Variants in STK24 observed in about 807,000 individuals in gnomAD.
The protein encoded by STK24 is serine/threonine kinase 24, also known as serine/threonine-protein kinase 24.
A neutral mutation model predicts 55.6 loss-of-function variants in STK24; 21 were observed. That is an observed-to-expected ratio of 0.38 (90% CI 0.27 to 0.54). The LOEUF is 0.54. Among genes scored for constraint, STK24 ranks in the 20% least tolerant of loss-of-function variants. The pLI, the probability that STK24 is intolerant of heterozygous loss-of-function variation, is 0.79. For synonymous variants in STK24, 200 were observed against 215.2 expected (o/e 0.93, Z 0.62); for missense variants, 383 against 538.4 (o/e 0.71, Z 2.86).
chr13:98,458,431 G>A (rs756531072), intron 9 of STK24, among the ~76,000 whole-genome samples: 1 of 152,200 alleles, frequency 6.6e-6, no homozygotes, highest in Non-Finnish European at 1.5e-5. Flanking sequence ...TGCCCTAAGA[G>A]CAACGGCTTC....
Position 98,525,048 on chromosome 13 carries a change from C to A in STK24, c.43-5575G>T, listed in dbSNP as rs555353568. On this transcript the variant is annotated intron_variant, in intron 1 of 10. Coordinates refer to ENST00000539966, the MANE Select transcript of STK24 (RefSeq NM_001032296.4). The stretch of plus-strand genomic sequence containing the variant: ...GCACTCAATAAAGCAGGGTTCCCTG[C>A]GCGGGCAGCCCTGCCCTTTGGCAAT... Among the ~76,000 whole-genome samples the A allele has an allele frequency of 3.3e-5, 5 of 152,372 alleles. No individual in the cohort carries two copies. In the East Asian group the frequency reaches 5.8e-4, roughly 18 times the overall value.
chr13:98,494,075 C>T (rs1202796506), intron 2 of STK24, among the ~76,000 whole-genome samples: 1 of 148,476 alleles, frequency 6.7e-6, no homozygotes, highest in Admixed American at 6.7e-5. Flanking sequence ...ATCTCCTGAC[C>T]TCGTGATCCG....
At chr13:98,542,665 A>C (rs1896921307) in intron 1 of STK24, among the ~76,000 whole-genome samples, 2 of 152,056 alleles carry the variant, frequency 1.3e-5, no homozygotes, top group Middle Eastern at 3.2e-3. Flanking sequence ...AGCCTAATAA[A>C]TGCTCGGGTT....
At chr13:98,576,197 G>C (rs1453101739) in intron 1 of STK24, 11 of 985,248 alleles carry the variant, frequency 1.1e-5, no homozygotes, top group Middle Eastern at 5.2e-4. Flanking sequence ...AGTGGAACTC[G>C]CGGTTACCTT....
intron 1 of STK24, among the ~76,000 whole-genome samples, chr13:98,547,347 G>C (rs1215597477): frequency 7.9e-5 from 12 of 152,152 alleles, no homozygotes; most frequent in Non-Finnish European, 1.0e-4. Context: ...AGGAGTTAGA[G>C]ACCAGTCTGG....
In STK24 at chr13:98,505,946, CA is replaced by C. The variant is rs1022962826; in HGVS notation, c.273+13296del. ...TATCAAACATACAAAGAAAGGAAGA[CA>C]AAAAAATCTTTTCATGAAGAGTTTT... On this transcript the variant is annotated intron_variant, in intron 2 of 10. Transcript: ENST00000539966. Among the ~76,000 whole-genome samples the C allele has an allele frequency of 9.2e-5, 14 of 151,964 alleles. No homozygotes were observed. In the East Asian group the frequency reaches 2.5e-3, roughly 27 times the overall value.
At chr13:98,482,364 C>G in intron 2 of STK24, 43 bp from the exon 3 acceptor site, 1 of 1,285,792 alleles carries the variant, frequency 7.8e-7, no homozygotes, top group Non-Finnish European at 1.1e-6. Flanking sequence ...CAAAATGAAT[C>G]CAGGAAAATT....
intron 1 of STK24, among the ~76,000 whole-genome samples, chr13:98,531,768 T>G (rs1380867640): frequency 1.3e-5 from 2 of 152,178 alleles, no homozygotes; most frequent in African/African-American, 4.8e-5. Flanking sequence ...TAATGGGTTT[T>G]TGGCTAGACA....
intron 3 of STK24, among the ~76,000 whole-genome samples, chr13:98,478,224 G>A (rs1293853102): frequency 1.3e-5 from 2 of 152,018 alleles, no homozygotes; most frequent in Non-Finnish European, 2.9e-5. Flanking sequence ...TAGGACCCAG[G>A]AAAAAAACCT....
intron 1 of STK24, among the ~76,000 whole-genome samples, chr13:98,555,741 C>T (rs1222849191): frequency 1.6e-5 from 2 of 127,764 alleles, no homozygotes; most frequent in Admixed American, 8.3e-5. Flanking sequence ...AGTGCAGTGG[C>T]GCAATCTCCG....
chr13:98,529,991 C>T (rs1237294756), intron 1 of STK24, among the ~76,000 whole-genome samples: 1 of 152,144 alleles, frequency 6.6e-6, no homozygotes, highest in Non-Finnish European at 1.5e-5. Flanking sequence ...TCCACTGGCA[C>T]TGCTGGAGAA....
intron 10 of STK24, 179 bp from the exon 11 acceptor site, chr13:98,453,388 T>G: frequency 3.2e-6 from 2 of 629,126 alleles, no homozygotes; most frequent in South Asian, 4.4e-5. Context: ...ACTGAGAAGA[T>G]CATGATTCTT....
intron 1 of STK24, among the ~76,000 whole-genome samples, chr13:98,557,099 G>C (rs576571227): frequency 2.0e-5 from 3 of 152,224 alleles, no homozygotes; most frequent in African/African-American, 7.2e-5. Context: ...GCTTTGCCTA[G>C]CAGGTAAAGC....
At chr13:98,515,338 T>C (rs1341854840) in intron 2 of STK24, among the ~76,000 whole-genome samples, 2 of 151,986 alleles carry the variant, frequency 1.3e-5, no homozygotes, top group African/African-American at 4.8e-5. Context: ...TCGTGGATGG[T>C]ACCTCAGTGG....
At chr13:98,556,488 A>T (rs1897291468) in intron 1 of STK24, among the ~76,000 whole-genome samples, 1 of 152,068 alleles carries the variant, frequency 6.6e-6, no homozygotes. Context: ...TGCTTAAACT[A>T]GTTGAGGTTG....
In STK24 at chr13:98,448,435, A is replaced by T; in HGVS notation, c.*4738T>A. On this transcript the variant is annotated 3_prime_UTR_variant, in exon 11 of 11. Coordinates refer to ENST00000539966, the MANE Select transcript of STK24 (RefSeq NM_001032296.4). ...CTGAAAATCAAAAACATGGCTTCCCAGCAGCTCTCCTGTCTCCACAGCCGC... is the reference window on the plus strand; with the variant it reads ...CTGAAAATCAAAAACATGGCTTCCCTGCAGCTCTCCTGTCTCCACAGCCGC... The T allele has an allele frequency of 1.2e-6, 1 of 842,600 alleles. No individual in the cohort carries two copies. The highest frequency in any genetic ancestry group is 2.5e-5 in the East Asian group (1 of 39,958). The allele number at this position is 842,600 out of a possible 1,614,324, so 52.2% of individuals were successfully genotyped here.
chr13:98,486,471 A>T (rs1456351403), intron 2 of STK24, among the ~76,000 whole-genome samples: 2 of 152,198 alleles, frequency 1.3e-5, no homozygotes, highest in African/African-American at 4.8e-5. Context: ...GCAAGAGACA[A>T]GCTTTGGGGG....
At chr13:98,492,545 C>G (rs1895082327) in intron 2 of STK24, among the ~76,000 whole-genome samples, 1 of 152,212 alleles carries the variant, frequency 6.6e-6, no homozygotes, top group Non-Finnish European at 1.5e-5. Flanking sequence ...CAGCCCACCC[C>G]CAGGTGGGCA....
In STK24 at chr13:98,469,493, G is replaced by A. The variant is rs189511195; in HGVS notation, c.598-2932C>T. Among the ~76,000 whole-genome samples the A allele has an allele frequency of 4.5e-4, 69 of 151,770 alleles. 1 individual carries two copies. The highest frequency in any genetic ancestry group is 1.6e-3 in the African/African-American group (65 of 41,324). ...GAACCTGGGAGGAAGAAGTTGCAGT[G>A]AGCGAGATCATAAGTCTGGGTGACA... is the stretch of plus-strand genomic sequence containing the variant. On this transcript the variant is annotated intron_variant, in intron 5 of 10. Transcript: ENST00000539966.
Sources: gnomAD v4.1 joint callset for allele counts (sites outside exome capture counted in the v4.1 genomes callset) on GRCh38, gnomAD v4.1.1 for gene constraint, MANE v1.5 for transcripts, NCBI Gene and HGNC (gene_info 2026-07-23, HGNC 2026-07-21) for gene names.